Variants in HMBOX1 observed in about 807,000 individuals in gnomAD.
The protein encoded by HMBOX1 is homeobox containing 1, also known as homeobox-containing protein 1.
In HMBOX1, 14 loss-of-function variants were observed where a neutral mutation model predicts 54.5. The observed-to-expected ratio is 0.26, with a 90% CI of 0.17 to 0.40. The LOEUF (loss-of-function observed/expected upper bound fraction) is 0.40, where lower values mean the gene tolerates loss of function less well. Ranked by LOEUF, HMBOX1 falls within the 10% of genes least tolerant of loss-of-function variation. HMBOX1 has a pLI of 1.00. For synonymous variants in HMBOX1, 160 were observed against 181.0 expected (o/e 0.88, Z 0.93); for missense variants, 332 against 514.4 (o/e 0.65, Z 3.43).
intron 1 of HMBOX1, among the ~76,000 whole-genome samples, chr8:28,922,131 AAAAGT>A (rs970970020): frequency 6.6e-6 from 1 of 152,236 alleles, no homozygotes; most frequent in African/African-American, 2.4e-5. Flanking sequence ...ATGGGGAAGA[AAAAGT>A]AAAGGTTGTG....
At chr8:28,982,989 A>T (rs757659661) in intron 4 of HMBOX1, among the ~76,000 whole-genome samples, 44 of 152,148 alleles carry the variant, frequency 2.9e-4, no homozygotes, top group Non-Finnish European at 5.6e-4. Context: ...ATCTCCTGGG[A>T]TTACAGGTGT....
intron 5 of HMBOX1, among the ~76,000 whole-genome samples, chr8:29,012,566 A>G (rs1834355401): frequency 6.6e-6 from 1 of 152,242 alleles, no homozygotes; most frequent in African/African-American, 2.4e-5. Context: ...GTATATGCTT[A>G]TCTAAGCATA....
rs555869125 is a variant in HMBOX1, at chr8:28,923,752, C to T, written c.-58+33074C>T. 5.3e-5 allele frequency among the ~76,000 whole-genome samples: 8 copies of T among 152,256 alleles called. No individual in the cohort carries two copies. In the South Asian group the frequency reaches 1.5e-3, roughly 28 times the overall value. Reference sequence around the variant, plus strand: ...TATATACAAGGGTACCACTTTTTCACGTCCTCACCAACATTTTTTTCTTTT... The same window carrying T: ...TATATACAAGGGTACCACTTTTTCATGTCCTCACCAACATTTTTTTCTTTT... On this transcript the variant is annotated intron_variant, in intron 1 of 9. Coordinates refer to ENST00000287701, the MANE Select transcript of HMBOX1 (RefSeq NM_001135726.3).
Position 29,046,761 on chromosome 8 carries a change from G to A in HMBOX1, c.935-597G>A, listed in dbSNP as rs904565839. 6.6e-5 allele frequency among the ~76,000 whole-genome samples: 10 copies of A among 152,136 alleles called. No homozygotes were observed. The East Asian group carries it at 1.2e-3, about 18-fold the overall frequency. ...TTTGGGAGGCCAAGGTGGGCAGATC[G>A]CCTGAGCCCAGGAGTTGGAGGCTAC... On this transcript the variant is annotated intron_variant, in intron 7 of 9. Coordinates refer to ENST00000287701, the MANE Select transcript of HMBOX1 (RefSeq NM_001135726.3).
intron 1 of HMBOX1, among the ~76,000 whole-genome samples, chr8:28,958,856 C>A (rs1824954675): frequency 2.6e-5 from 4 of 152,036 alleles, no homozygotes; most frequent in African/African-American, 9.7e-5. Flanking sequence ...TTTTCAACAT[C>A]TATTGATATA....
At chr8:28,932,225 G>A (rs1819600204) in intron 1 of HMBOX1, among the ~76,000 whole-genome samples, 1 of 152,230 alleles carries the variant, frequency 6.6e-6, no homozygotes, top group African/African-American at 2.4e-5. Flanking sequence ...AGGGAATGGT[G>A]AGTGAAGGGC....
chr8:28,939,601 CT>C (rs559719478), intron 1 of HMBOX1, among the ~76,000 whole-genome samples: 25 of 152,006 alleles, frequency 1.6e-4, no homozygotes, highest in African/African-American at 4.1e-4. Context: ...TCCGCCCCCC[CT>C]GGGTTCAAGT....
intron 5 of HMBOX1, among the ~76,000 whole-genome samples, chr8:29,010,876 C>G (rs1586463213): frequency 6.6e-6 from 1 of 152,180 alleles, no homozygotes; most frequent in South Asian, 2.1e-4. Flanking sequence ...ATGACATGAA[C>G]TTCTTAAGCC....
At chr8:29,037,458 A>G (rs1245466488) in intron 6 of HMBOX1, among the ~76,000 whole-genome samples, 1 of 152,158 alleles carries the variant, frequency 6.6e-6, no homozygotes. Flanking sequence ...TAATATATAA[A>G]ATTGAGGGAT....
chr8:29,035,142 T>C (rs1803645338), intron 6 of HMBOX1, among the ~76,000 whole-genome samples: 1 of 152,160 alleles, frequency 6.6e-6, no homozygotes, highest in Admixed American at 6.5e-5. Context: ...AGAATTTGGA[T>C]TGATCCCTGG....
intron 1 of HMBOX1, among the ~76,000 whole-genome samples, chr8:28,919,672 G>T (rs2131769753): frequency 6.6e-6 from 1 of 152,228 alleles, no homozygotes; most frequent in South Asian, 2.1e-4. Context: ...TCCACAACTT[G>T]AATGACTTGT....
chr8:28,948,550 G>C (rs946843071), intron 1 of HMBOX1, among the ~76,000 whole-genome samples: 8 of 152,130 alleles, frequency 5.3e-5, no homozygotes, highest in Non-Finnish European at 1.5e-5. Context: ...TTCTGTTTGC[G>C]CATTTATAAC....
At chr8:29,050,799 G>T in intron 9 of HMBOX1, 1 of 518,680 alleles carries the variant, frequency 1.9e-6, no homozygotes. Context: ...AACATTTTTT[G>T]TGCTTTTTAC....
chr8:29,001,707 ATATT>A (rs1832699387), intron 4 of HMBOX1, among the ~76,000 whole-genome samples: 1 of 152,242 alleles, frequency 6.6e-6, no homozygotes, highest in South Asian at 2.1e-4. Context: ...ATGCGTCTGT[ATATT>A]TATCAAAACT....
chr8:28,965,581 A>T (rs1826295303), intron 2 of HMBOX1, among the ~76,000 whole-genome samples: 1 of 152,150 alleles, frequency 6.6e-6, no homozygotes, highest in Non-Finnish European at 1.5e-5. Context: ...CCTTTACATG[A>T]GCAGTTCTTG....
chr8:28,977,837 G>A (rs879599487), intron 3 of HMBOX1, among the ~76,000 whole-genome samples: 1 of 151,698 alleles, frequency 6.6e-6, no homozygotes, highest in African/African-American at 2.4e-5. Flanking sequence ...CCAGCTACTC[G>A]GGAGGCTGAG....
At chr8:28,944,919 G>A (rs1822140999) in intron 1 of HMBOX1, among the ~76,000 whole-genome samples, 1 of 152,108 alleles carries the variant, frequency 6.6e-6, no homozygotes, top group Admixed American at 6.5e-5. Flanking sequence ...GGGAAAGCAA[G>A]CCTCATCCAA....
chr8:28,980,518 T>C (rs568778703), intron 4 of HMBOX1, among the ~76,000 whole-genome samples: 1 of 152,340 alleles, frequency 6.6e-6, no homozygotes, highest in Admixed American at 6.5e-5. Flanking sequence ...GTATAATCCC[T>C]GATTATACCA....
chr8:28,938,076 G>A (rs1820707731), intron 1 of HMBOX1, among the ~76,000 whole-genome samples: 1 of 152,070 alleles, frequency 6.6e-6, no homozygotes, highest in South Asian at 2.1e-4. Flanking sequence ...GTTCTTATAT[G>A]TCTGGTATTG....
Sources: gnomAD v4.1 joint callset for allele counts (sites outside exome capture counted in the v4.1 genomes callset) on GRCh38, gnomAD v4.1.1 for gene constraint, MANE v1.5 for transcripts, NCBI Gene and HGNC (gene_info 2026-07-23, HGNC 2026-07-21) for gene names.